RMDN2: variants seen among roughly 807,000 people sequenced by gnomAD.
RMDN2 encodes regulator of microtubule dynamics 2.
A neutral mutation model predicts 52.8 loss-of-function variants in RMDN2; 61 were observed. The observed-to-expected ratio is 1.16, with a 90% CI of 0.94 to 1.43. The LOEUF is 1.43. Ranked by LOEUF, RMDN2 falls within the 40% of genes most tolerant of loss-of-function variation. The pLI is 0.00. For missense variants in RMDN2, 592 were observed against 475.3 expected, an observed-to-expected ratio of 1.25 and a Z score of -2.28; for synonymous variants, 180 against 153.1, an observed-to-expected ratio of 1.18 and a Z score of -1.30.
chr2:37,965,801 A>C (rs1028157889), intron 2 of RMDN2, among the ~76,000 whole-genome samples: 1 of 152,186 alleles, frequency 6.6e-6, no homozygotes, highest in African/African-American at 2.4e-5. Flanking sequence ...GGGAAATTCT[A>C]GTGATAGTGA....
chr2:37,937,718 G>C (rs532672163), intron 2 of RMDN2, among the ~76,000 whole-genome samples: 42 of 152,282 alleles, frequency 2.8e-4, no homozygotes, highest in Non-Finnish European at 3.8e-4. Context: ...AGGAATGCTT[G>C]GAATTTTTGC....
chr2:37,941,237 A>G (rs1667759088), intron 2 of RMDN2, among the ~76,000 whole-genome samples: 1 of 151,026 alleles, frequency 6.6e-6, no homozygotes, highest in Non-Finnish European at 1.5e-5. Flanking sequence ...GCAGAACAGC[A>G]AAGATTGCTG....
intron 2 of RMDN2, among the ~76,000 whole-genome samples, chr2:37,956,764 G>A (rs760321658): frequency 7.9e-5 from 12 of 151,766 alleles, no homozygotes; most frequent in Non-Finnish European, 1.5e-4. Context: ...CCATCAACCC[G>A]TCATCTATGT....
intron 10 of RMDN2, among the ~76,000 whole-genome samples, chr2:38,041,427 G>GTTTTTTTTTTTTTTTTTTTTTTGTTTTT (rs3057329): frequency 8.3e-6 from 1 of 120,078 alleles, no homozygotes; most frequent in East Asian, 2.7e-4. Context: ...TTTTTTATTG[G>GTTTTTTTTTTTTTTTTTTTTTTGTTTTT]TTTTTTTTTT....
chr2:37,955,179 C>T (rs903263907), intron 2 of RMDN2, among the ~76,000 whole-genome samples: 5 of 151,992 alleles, frequency 3.3e-5, no homozygotes, highest in African/African-American at 4.8e-5. Context: ...AATTTGGATG[C>T]CTTTATTTCG....
chr2:37,989,968 C>G (rs1256153637), intron 6 of RMDN2, among the ~76,000 whole-genome samples: 1 of 151,248 alleles, frequency 6.6e-6, no homozygotes, highest in Non-Finnish European at 1.5e-5. Context: ...ACTGTGAAGC[C>G]CCATCTCTAC....
chr2:37,951,711 T>A (rs758420186), intron 2 of RMDN2: 1 of 1,612,490 alleles, frequency 6.2e-7, no homozygotes, highest in African/African-American at 1.3e-5. Context: ...TTCTAAAACT[T>A]CAAGTAATAC....
intron 4 of RMDN2, among the ~76,000 whole-genome samples, chr2:37,976,723 T>A (rs1191375505): frequency 6.6e-6 from 1 of 152,176 alleles, no homozygotes; most frequent in Non-Finnish European, 1.5e-5. Context: ...AATTTCAACA[T>A]AAATAAAAAC....
chr2:37,985,267 A>C (rs144182815), intron 5 of RMDN2, among the ~76,000 whole-genome samples: 4 of 152,334 alleles, frequency 2.6e-5, no homozygotes, highest in South Asian at 2.1e-4. Context: ...CATAGCATCT[A>C]TGCTTTTCAT....
At chr2:37,958,696 G>C (rs1413552744) in intron 2 of RMDN2, among the ~76,000 whole-genome samples, 1 of 150,812 alleles carries the variant, frequency 6.6e-6, no homozygotes, top group African/African-American at 2.5e-5. Flanking sequence ...TGGTGAGAGA[G>C]GGCATCCTTG....
Position 38,006,992 on chromosome 2 carries a change from T to C in RMDN2, c.1179+2776T>C, listed in dbSNP as rs558595015. 1.5e-4 allele frequency among the ~76,000 whole-genome samples: 23 copies of C among 152,344 alleles called. No homozygotes were observed. In the East Asian group the frequency reaches 4.4e-3, roughly 29 times the overall value. ...TGTTTTTTGTCCTTGGTTCTGTTTA[T>C]ATGCTGGATTACATTTATTGATCTA... is the stretch of plus-strand genomic sequence containing the variant. On this transcript the variant is annotated intron_variant, in intron 10 of 10. Transcript: ENST00000354545.
At chr2:38,065,019 G>A (rs1682210614) in intron 10 of RMDN2, among the ~76,000 whole-genome samples, 1 of 152,144 alleles carries the variant, frequency 6.6e-6, no homozygotes, top group Non-Finnish European at 1.5e-5. Context: ...AGTTTACATA[G>A]GAGGGCAAGT....
chr2:37,976,877 C>T (rs1275542118), intron 4 of RMDN2, among the ~76,000 whole-genome samples: 2 of 146,272 alleles, frequency 1.4e-5, no homozygotes, highest in Non-Finnish European at 3.0e-5. Flanking sequence ...ATTGATCATT[C>T]TTGGGTGTTT....
At chr2:38,063,116 C>A (rs1205176790) in intron 10 of RMDN2, among the ~76,000 whole-genome samples, 9 of 152,150 alleles carry the variant, frequency 5.9e-5, no homozygotes, top group Admixed American at 5.9e-4. Context: ...GATTTATAAT[C>A]CTTTGGGTAT....
At chr2:37,976,614 C>T (rs1672498347) in intron 4 of RMDN2, among the ~76,000 whole-genome samples, 1 of 152,182 alleles carries the variant, frequency 6.6e-6, no homozygotes, top group African/African-American at 2.4e-5. Context: ...GGGCTTCCCC[C>T]TCTTGTTTGC....
At position 38,008,875 on chromosome 2, in the gene RMDN2, C is replaced by T. The variant is rs188781542; in HGVS notation, c.1179+4659C>T. ...TCCTTTCCATGTTGAGTGCTTCCTT[C>T]AGGAGCTCTTTTAGGGCAGGTCTGG... is the stretch of plus-strand genomic sequence containing the variant. On this transcript the variant is annotated intron_variant, in intron 10 of 10. Transcript: ENST00000354545. 3.0e-4 allele frequency among the ~76,000 whole-genome samples: 45 copies of T among 152,268 alleles called. No homozygotes were observed. In the East Asian group the frequency reaches 8.3e-3, roughly 28 times the overall value.
At chr2:38,024,643 T>A (rs546445294) in intron 10 of RMDN2, among the ~76,000 whole-genome samples, 22 of 152,312 alleles carry the variant, frequency 1.4e-4, no homozygotes, top group Admixed American at 5.9e-4. Flanking sequence ...GGTTTTTGTA[T>A]ATAGTTTGGA....
intron 2 of RMDN2, among the ~76,000 whole-genome samples, chr2:37,971,147 T>C (rs984308204): frequency 2.0e-5 from 3 of 152,110 alleles, no homozygotes; most frequent in African/African-American, 7.2e-5. Context: ...ATCACAAATA[T>C]TTGCTCCTAT....
intron 8 of RMDN2, among the ~76,000 whole-genome samples, chr2:38,001,622 T>C (rs1181310951): frequency 6.6e-6 from 1 of 152,204 alleles, no homozygotes; most frequent in Non-Finnish European, 1.5e-5. Context: ...AAATAAGCTG[T>C]TTACATGCAT....
Sources: allele counts gnomAD v4.1 joint callset (sites outside exome capture counted in the v4.1 genomes callset), GRCh38; gene constraint gnomAD v4.1.1; transcripts MANE v1.5; gene names NCBI Gene and HGNC (gene_info 2026-07-23, HGNC 2026-07-21).